The following TRABD2A variants were observed in gnomAD, a reference collection of about 807,000 sequenced individuals.
The protein encoded by TRABD2A is metalloprotease TIKI1.
Under a neutral mutation model 45.6 loss-of-function variants are expected in TRABD2A, and 43 were observed. That is an observed-to-expected ratio of 0.94 (90% CI 0.74 to 1.22). The LOEUF is 1.22. Ranked by LOEUF, TRABD2A falls within the 50% of genes most tolerant of loss-of-function variation. The probability of loss-of-function intolerance (pLI) is 0.00; values close to 1 mark genes in which losing one functional copy is unlikely to be tolerated. For synonymous variants in TRABD2A, 269 were observed against 265.0 expected (o/e 1.02, Z -0.15); for missense variants, 642 against 652.4 (o/e 0.98, Z 0.17).
chr2:84,825,254 C>A (rs1189409514), intron 5 of TRABD2A, among the ~76,000 whole-genome samples: 1 of 152,184 alleles, frequency 6.6e-6, no homozygotes, highest in Non-Finnish European at 1.5e-5. Context: ...CCTTGAGGAA[C>A]CATCTACCTT....
At chr2:84,876,486 T>G (rs996458915) in intron 1 of TRABD2A, among the ~76,000 whole-genome samples, 4 of 152,190 alleles carry the variant, frequency 2.6e-5, no homozygotes, top group African/African-American at 9.7e-5. Context: ...ATGTGGATGG[T>G]AGGCCAAATA....
At chr2:84,842,200 G>A (rs570501656) in intron 2 of TRABD2A, among the ~76,000 whole-genome samples, 193 bp from the exon 3 acceptor site, 20 of 152,290 alleles carry the variant, frequency 1.3e-4, no homozygotes, top group Admixed American at 5.9e-4. Context: ...TCCCAAATCA[G>A]CCCCAATCAG....
At chr2:84,823,666 C>A (rs551183809) in intron 6 of TRABD2A, among the ~76,000 whole-genome samples, 1 of 152,316 alleles carries the variant, frequency 6.6e-6, no homozygotes, top group East Asian at 1.9e-4. Context: ...ATATCTAGTT[C>A]TTTGCAACCT....
At chr2:84,875,998 TA>T (rs368533574) in intron 1 of TRABD2A, among the ~76,000 whole-genome samples, 5,359 of 126,854 alleles carry the variant, frequency 0.042, 95 homozygotes, top group South Asian at 0.096. Context: ...ATCTCAAAAT[TA>T]AAAAAAAAAA....
At chr2:84,834,819 T>G (rs1359481529) in intron 4 of TRABD2A, 1 of 152,234 alleles carries the variant, frequency 6.6e-6, no homozygotes, top group Non-Finnish European at 1.5e-5. Context: ...GTTCCACTTT[T>G]TGGCTATTAT....
intron 5 of TRABD2A, among the ~76,000 whole-genome samples, chr2:84,825,616 A>C (rs1389977272): frequency 6.6e-6 from 1 of 152,146 alleles, no homozygotes; most frequent in Admixed American, 6.5e-5. Context: ...CAACAAAGAA[A>C]CTAGAGCCCA....
intron 3 of TRABD2A, among the ~76,000 whole-genome samples, chr2:84,841,151 A>G (rs1681697484): frequency 6.6e-6 from 1 of 152,232 alleles, no homozygotes; most frequent in African/African-American, 2.4e-5. Context: ...TGCTATTTGC[A>G]TGTAGTCCTA....
At chr2:84,879,418 G>A (rs1683131311) in intron 1 of TRABD2A, among the ~76,000 whole-genome samples, 1 of 152,146 alleles carries the variant, frequency 6.6e-6, no homozygotes, top group Non-Finnish European at 1.5e-5. Context: ...CTGGGCTCAA[G>A]TGATCCACCG....
In TRABD2A at chr2:84,866,682, CTTT is replaced by C. The variant is rs111567421; in HGVS notation, c.669+3540_669+3542del. On this transcript the variant is annotated intron_variant, in intron 2 of 6. Transcript: ENST00000409520. ...TTATGAAGTGCTTTCCAATTTCCTG[CTTT>C]TTTTTTTTTTTTTGCTTCTGACAAC... Among the ~76,000 whole-genome samples, 953 of 139,406 alleles carry C rather than the reference CTTT, an allele frequency of 6.8e-3. 12 individuals carry two copies. Among genetic ancestry groups the C allele is most frequent in the African/African-American group, 0.023 (904 of 38,988 alleles). The allele number at this position is 139,406 out of a possible 152,430, so 91.5% of individuals were successfully genotyped here.
intron 2 of TRABD2A, among the ~76,000 whole-genome samples, chr2:84,859,643 C>T (rs1682426946): frequency 6.6e-6 from 1 of 152,172 alleles, no homozygotes; most frequent in Admixed American, 6.5e-5. Context: ...AAGAACAGGA[C>T]TGGAGCAGGG....
At chr2:84,844,228 C>T (rs868303596) in intron 2 of TRABD2A, among the ~76,000 whole-genome samples, 2 of 152,150 alleles carry the variant, frequency 1.3e-5, no homozygotes, top group South Asian at 4.1e-4. Flanking sequence ...AGAATTCCCA[C>T]GTGTTGTGAG....
rs537625214 is a variant in TRABD2A at position 84,863,429 on chromosome 2, A to G, written c.669+6796T>C. ...CCGGCTAATTTTTTGTATTTTTAGT[A>G]GACACGGGGTTTCACCATGGTCTCG... On this transcript the variant is annotated intron_variant, in intron 2 of 6. Transcript: ENST00000409520. Among the ~76,000 whole-genome samples the G allele has an allele frequency of 1.1e-4, 17 of 150,272 alleles. No individual in the cohort carries two copies. In the East Asian group the frequency reaches 3.1e-3, roughly 28 times the overall value.
intron 6 of TRABD2A, among the ~76,000 whole-genome samples, chr2:84,823,116 GTTCCACTTTGGC>G (rs1375617451): frequency 6.6e-6 from 1 of 152,036 alleles, no homozygotes; most frequent in Non-Finnish European, 1.5e-5. Flanking sequence ...TATTCACAAG[GTTCCACTTTGGC>G]TTCTACTCAG....
intron 2 of TRABD2A, among the ~76,000 whole-genome samples, chr2:84,854,949 C>T (rs1046876429): frequency 6.6e-6 from 1 of 152,142 alleles, no homozygotes; most frequent in African/African-American, 2.4e-5. Context: ...TGTCAAATCA[C>T]TGTGCCCTTC....
intron 2 of TRABD2A, among the ~76,000 whole-genome samples, chr2:84,869,836 G>A (rs931665611): frequency 8.6e-5 from 13 of 151,810 alleles, no homozygotes; most frequent in East Asian, 1.9e-4. Flanking sequence ...AAAAGTAGTC[G>A]GGCGTGGTAG....
rs1250982305 is a variant in TRABD2A at position 84,879,205 on chromosome 2, A to G, written c.108+1727T>C. Among the ~76,000 whole-genome samples the G allele has an allele frequency of 3.5e-5, 5 of 142,286 alleles. No individual in the cohort carries two copies. In the Admixed American group the frequency reaches 3.6e-4, roughly 10 times the overall value. 93.3% of individuals were successfully genotyped at this position (142,286 alleles called of 152,430 possible). On this transcript the variant is annotated intron_variant, in intron 1 of 6. Transcript: ENST00000409520. The stretch of plus-strand genomic sequence containing the variant: ...TACTTTTTTTTTTTTTTTTTTGGAT[A>G]TAGGGTCTCGCTCTTTCACCCAAGC...
intron 1 of TRABD2A, among the ~76,000 whole-genome samples, chr2:84,873,438 T>G: frequency 6.6e-6 from 1 of 151,374 alleles, no homozygotes. Flanking sequence ...AAAAAAAAAA[T>G]TAAAAACCAT....
At chr2:84,834,787 C>T (rs1681446098) in intron 4 of TRABD2A, 1 of 152,072 alleles carries the variant, frequency 6.6e-6, no homozygotes, top group Non-Finnish European at 1.5e-5. Context: ...TTATCCATGT[C>T]AGTTGATGGA....
intron 1 of TRABD2A, among the ~76,000 whole-genome samples, chr2:84,872,915 G>A (rs757744907): frequency 2.2e-4 from 34 of 151,752 alleles, no homozygotes; most frequent in Non-Finnish European, 4.4e-5. Context: ...AGGAGTTCGC[G>A]ATCAGCCTGG....
Sources: gnomAD v4.1 joint callset for allele counts (sites outside exome capture counted in the v4.1 genomes callset) on GRCh38, gnomAD v4.1.1 for gene constraint, MANE v1.5 for transcripts, NCBI Gene and HGNC (gene_info 2026-07-23, HGNC 2026-07-21) for gene names.